The following EIF4ENIF1 variants were observed in gnomAD, a reference collection of about 807,000 sequenced individuals.
The protein encoded by EIF4ENIF1 is eukaryotic translation initiation factor 4E transporter.
A neutral mutation model predicts 110.5 loss-of-function variants in EIF4ENIF1; 23 were observed. The ratio of observed to expected loss-of-function variants is 0.21; its 90% CI spans 0.15 to 0.29. The LOEUF (loss-of-function observed/expected upper bound fraction) is 0.29. Among genes scored for constraint, EIF4ENIF1 ranks in the 10% least tolerant of loss-of-function variants. The pLI, the probability that EIF4ENIF1 is intolerant of heterozygous loss-of-function variation, is 1.00. For synonymous variants in EIF4ENIF1, 440 were observed against 437.0 expected (o/e 1.01, Z -0.09); for missense variants, 1,031 against 1,221.1 (o/e 0.84, Z 2.32).
Position 31,463,708 on chromosome 22 carries a change from C to G in EIF4ENIF1, c.558G>C (p.Glu186Asp). Residue 186 changes from glutamate (E) to aspartate (D), a missense_variant, in exon 5 of 19, where the codon GAG (glutamate) becomes GAC (aspartate). By Grantham distance (45) the Glu-to-Asp change is conservative. Transcript: ENST00000330125. ...TGAAACGCTTGTCCTTGAAGTCCCT[C>G]TCTCGGTCTCTGTCTCTCAAGTCCC... The part of the protein sequence containing the change: ...DLRDLRDRDR[E>D]RDFKDKRFRR... The G allele has an allele frequency of 6.2e-7, 1 of 1,611,816 alleles. No homozygotes were observed. The highest frequency in any genetic ancestry group is 8.5e-7 in the Non-Finnish European group (1 of 1,178,722).
chr22:31,490,402 A>G (rs567793727), upstream of EIF4ENIF1, among the ~76,000 whole-genome samples: 1 of 152,312 alleles, frequency 6.6e-6, no homozygotes. Context: ...ATCTTAGGCA[A>G]AGCTGACTTA....
chr22:31,443,712 A>C (rs968574667), intron 15 of EIF4ENIF1, among the ~76,000 whole-genome samples: 1 of 151,702 alleles, frequency 6.6e-6, no homozygotes, highest in Non-Finnish European at 1.5e-5. Flanking sequence ...GCAAAGACCC[A>C]CGTGGGGTTC....
chr22:31,447,454 C>A lies in EIF4ENIF1; in HGVS notation c.1960G>T (p.Asp654Tyr), dbSNP rs371510188. 6.2e-7 allele frequency: 1 copy of A among 1,613,244 alleles called. No homozygotes were observed. Among genetic ancestry groups the A allele is most frequent in the African/African-American group, 1.3e-5 (1 of 75,010 alleles). Residue 654 changes from aspartate to tyrosine, a missense_variant, in exon 14 of 19, where the codon GAC (aspartate) becomes TAC (tyrosine). Physicochemically the swap from Asp to Tyr is radical, Grantham distance 160. Coordinates refer to ENST00000330125, the MANE Select transcript of EIF4ENIF1 (RefSeq NM_019843.4). ...YQPGFGKPQV[D>Y]RTRDGFRNRQ... ...TTTCTGAATCCATCTCTGGTTCTGT[C>A]CACCTGTGGTTTGCCAAAACCAGGC... is the stretch of plus-strand genomic sequence containing the variant.
At chr22:31,468,446 G>T in intron 3 of EIF4ENIF1, 144 bp from the exon 4 acceptor site, 1 of 1,170,744 alleles carries the variant, frequency 8.5e-7, no homozygotes, top group Non-Finnish European at 1.2e-6. Context: ...CCAGGATGGA[G>T]CGCAGTGGCG....
At chr22:31,482,702 AG>A (rs1204252288) in intron 2 of EIF4ENIF1, among the ~76,000 whole-genome samples, 4 of 151,328 alleles carry the variant, frequency 2.6e-5, no homozygotes, top group Non-Finnish European at 1.5e-5. Context: ...AAAAAAAAAC[AG>A]ATTAGTCTAT....
chr22:31,492,876 C>G (rs189532336), upstream of EIF4ENIF1, among the ~76,000 whole-genome samples: 1 of 152,016 alleles, frequency 6.6e-6, no homozygotes, highest in Non-Finnish European at 1.5e-5. Flanking sequence ...GGATTACAGG[C>G]GCATGCCACC....
At chr22:31,456,795 C>T (rs2050845998) in intron 7 of EIF4ENIF1, among the ~76,000 whole-genome samples, 1 of 152,326 alleles carries the variant, frequency 6.6e-6, no homozygotes, top group Non-Finnish European at 1.5e-5. Flanking sequence ...GCTGGGATTA[C>T]AGGCATGAAC....
At chr22:31,484,639 G>C (rs1432051922) in intron 2 of EIF4ENIF1, among the ~76,000 whole-genome samples, 7 of 152,078 alleles carry the variant, frequency 4.6e-5, no homozygotes, top group Admixed American at 4.6e-4. Context: ...TTTGACACCA[G>C]CCTGACCAAC....
At chr22:31,448,012 G>T in intron 13 of EIF4ENIF1, 141 bp downstream of exon 13, 1 of 902,178 alleles carries the variant, frequency 1.1e-6, no homozygotes, top group East Asian at 2.5e-5. Context: ...ACCTCCCAAA[G>T]TGCTGGGATT....
upstream of EIF4ENIF1, among the ~76,000 whole-genome samples, chr22:31,492,425 T>C (rs957316647): frequency 6.6e-6 from 1 of 152,216 alleles, no homozygotes; most frequent in Non-Finnish European, 1.5e-5. Context: ...ATTGTAGCTA[T>C]CATGATTTGA....
chr22:31,437,976 A>T (rs2050197614), downstream of EIF4ENIF1, among the ~76,000 whole-genome samples: 1 of 152,210 alleles, frequency 6.6e-6, no homozygotes, highest in South Asian at 2.1e-4. Context: ...TAATCCATAA[A>T]GCCAGGTTTT....
chr22:31,447,368 TATTA>T (rs1294535883), intron 14 of EIF4ENIF1, 54 bp downstream of exon 14: 6 of 1,596,464 alleles, frequency 3.8e-6, no homozygotes, highest in South Asian at 2.2e-5. Flanking sequence ...ATAAGTAATT[TATTA>T]GTTTCAGGAA....
In EIF4ENIF1 at chr22:31,440,117, C is replaced by T. The variant is rs1330359909; in HGVS notation, c.2721G>A (p.Leu907=). The change falls in exon 19 of 19, where the codon CTG becomes CTA. Residue 907 remains leucine, a synonymous_variant. Coordinates refer to ENST00000330125, the MANE Select transcript of EIF4ENIF1 (RefSeq NM_019843.4). Reference sequence around the variant, plus strand: ...CATGGGAACCAGAGCCTGGAGGATGCAGAACTGTGGAGATAAGAAGGGTTA... The same window carrying T: ...CATGGGAACCAGAGCCTGGAGGATGTAGAACTGTGGAGATAAGAAGGGTTA... ...MVQQQLQRSV[L]HPPGSGSHAA... 5 of 1,614,060 alleles carry T rather than the reference C, an allele frequency of 3.1e-6. No individual in the cohort carries two copies. Among genetic ancestry groups the T allele is most frequent in the Non-Finnish European group, 4.2e-6 (5 of 1,180,010 alleles).
At chr22:31,490,187 G>C (rs573535479), upstream of EIF4ENIF1, among the ~76,000 whole-genome samples, 125 of 152,360 alleles carry the variant, frequency 8.2e-4, 1 homozygote, top group East Asian at 4.2e-3. Context: ...CGCGACTCGC[G>C]GCACGCCACT....
chr22:31,438,525 T>C (rs980558333), downstream of EIF4ENIF1, among the ~76,000 whole-genome samples: 1 of 152,124 alleles, frequency 6.6e-6, no homozygotes, highest in African/African-American at 2.4e-5. Flanking sequence ...GAAACTACCA[T>C]ATGTAATAGA....
chr22:31,470,164 CAAAAA>C (rs61046632), intron 3 of EIF4ENIF1, among the ~76,000 whole-genome samples: 1 of 98,438 alleles, frequency 1.0e-5, no homozygotes. Context: ...AACTCCACCT[CAAAAA>C]AAAAAAAAAA....
Position 31,463,918 on chromosome 22 carries a change from A to C in EIF4ENIF1, c.348T>G (p.Pro116=). ...KEDDLDVVLS[P]QRRSFGGGCH... ...AGCCCCCTCCAAAGCTCCGTCTCTG[A>C]GGGCTGAGAACAACATCTAAGTCAT... Residue 116 remains proline (P), a synonymous_variant, in exon 5 of 19, where the codon CCT becomes CCG. Transcript: ENST00000330125. 6.2e-7 allele frequency: 1 copy of C among 1,614,114 alleles called. No homozygotes were observed. Among genetic ancestry groups the C allele is most frequent in the South Asian group, 1.1e-5 (1 of 91,084 alleles).
At chr22:31,466,643 G>T (rs185250642) in intron 4 of EIF4ENIF1, among the ~76,000 whole-genome samples, 32 of 121,058 alleles carry the variant, frequency 2.6e-4, no homozygotes, top group South Asian at 9.1e-4. Flanking sequence ...GAAGTGTTGT[G>T]GGGGGGGCAG....
intron 18 of EIF4ENIF1, 141 bp from the exon 19 acceptor site, chr22:31,440,262 C>T: frequency 8.9e-6 from 11 of 1,234,062 alleles, no homozygotes; most frequent in Non-Finnish European, 1.2e-5. Flanking sequence ...TTGCAAAATA[C>T]CAACAATGCC....
Sources: gnomAD v4.1 joint callset for allele counts (sites outside exome capture counted in the v4.1 genomes callset) on GRCh38, gnomAD v4.1.1 for gene constraint, MANE v1.5 for transcripts, NCBI Gene and HGNC (gene_info 2026-07-23, HGNC 2026-07-21) for gene names.